Variants in NPHP3 observed in about 807,000 individuals in gnomAD.
The protein encoded by NPHP3 is nephrocystin 3.
Under a neutral mutation model 171.9 loss-of-function variants are expected in NPHP3, and 123 were observed. The ratio of observed to expected loss-of-function variants is 0.72; its 90% CI spans 0.62 to 0.83. The LOEUF is 0.83. Ranked by LOEUF, NPHP3 falls within the 40% of genes least tolerant of loss-of-function variation. The pLI is 0.00. For missense variants in NPHP3, 1,506 were observed against 1,591.9 expected (o/e 0.95, Z 0.92); for synonymous variants, 558 against 579.2 (o/e 0.96, Z 0.52).
Position 132,694,882 on chromosome 3 carries a change from A to C in NPHP3, c.2255T>G (p.Leu752Arg). The change falls in exon 16 of 27, where the codon CTG becomes CGG. Residue 752 changes from leucine (L) to arginine (R), a missense_variant. By Grantham distance (102) the Leu-to-Arg change is moderately radical (BLOSUM62 -2). Coordinates refer to ENST00000337331, the MANE Select transcript of NPHP3 (RefSeq NM_153240.5). ...QDTLSLYRLV[L>R]HSIRESMAND... is the part of the protein sequence containing the mutation. ...TGCCATGGACTCCCGGATAGAGTGCAGAACAAGTCTATATAATGAAAGAGT... is the reference window on the plus strand; with the variant it reads ...TGCCATGGACTCCCGGATAGAGTGCCGAACAAGTCTATATAATGAAAGAGT... 1 of 1,613,776 alleles carries C rather than the reference A, an allele frequency of 6.2e-7. No individual in the cohort carries two copies. Among genetic ancestry groups the C allele is most frequent in the Non-Finnish European group, 8.5e-7 (1 of 1,179,840 alleles).
intron 14 of NPHP3, 97 bp from the exon 15 acceptor site, chr3:132,696,910 G>A (rs1939468501): frequency 2.1e-6 from 2 of 934,744 alleles, no homozygotes; most frequent in African/African-American, 1.6e-5. Flanking sequence ...TACCCCGACA[G>A]AAATAACACT....
intron 18 of NPHP3, 117 bp downstream of exon 18, chr3:132,691,075 C>T: frequency 1.2e-6 from 1 of 842,066 alleles, no homozygotes; most frequent in Non-Finnish European, 2.1e-6. Context: ...AGGATTTAAT[C>T]TTTTTTGTAA....
intron 26 of NPHP3, 81 bp downstream of exon 26, chr3:132,682,622 T>G (rs1939059661): frequency 1.2e-6 from 1 of 854,774 alleles, no homozygotes; most frequent in African/African-American, 1.7e-5. Context: ...AAACATTCAG[T>G]AATACATATT....
At chr3:132,686,592 T>A (rs560793018) in intron 22 of NPHP3, among the ~76,000 whole-genome samples, 1 of 152,354 alleles carries the variant, frequency 6.6e-6, no homozygotes, top group South Asian at 2.1e-4. Flanking sequence ...CATTAAAAAC[T>A]ATTTCATGAA....
intron 3 of NPHP3, 117 bp downstream of exon 3, chr3:132,718,877 G>T: frequency 9.8e-7 from 1 of 1,021,122 alleles, no homozygotes. Context: ...TGCAACAGTA[G>T]TTAAAGCAAT....
At chr3:132,687,860 G>A (rs1939201699) in intron 21 of NPHP3, among the ~76,000 whole-genome samples, 1 of 152,228 alleles carries the variant, frequency 6.6e-6, no homozygotes, top group African/African-American at 2.4e-5. Context: ...GGGCTAGAGA[G>A]TTAATATTTT....
Position 132,701,760 on chromosome 3 carries a change from C to T in NPHP3, c.1525-227G>A, listed in dbSNP as rs531571619. ...TCAAATGGCTGGGCGCGGTGGCTCA[C>T]GCCTGTAATCCCAGCACTTTGGGAG... On this transcript the variant is annotated intron_variant, in intron 9 of 26. Transcript: ENST00000337331. Among the ~76,000 whole-genome samples the T allele has an allele frequency of 6.6e-5, 10 of 152,314 alleles. No homozygotes were observed. In the East Asian group the frequency reaches 1.2e-3, roughly 18 times the overall value.
chr3:132,690,596 C>T lies in NPHP3; in HGVS notation c.2625G>A (p.Gln875=), dbSNP rs1939274785. Residue 875 remains glutamine (Q), a synonymous_variant, in exon 19 of 27, where the codon CAG becomes CAA. Transcript: ENST00000337331. ...SADELPWLFQ[Q]QGSKQKLHDC... ...CATGCAGCTTCTGTTTACTTCCCTG[C>T]TGCTGAAAAAGCCACGGGAGTTCAT... 2 of 1,613,582 alleles carry T rather than the reference C, an allele frequency of 1.2e-6. No individual in the cohort carries two copies. Among genetic ancestry groups the T allele is most frequent in the East Asian group, 4.5e-5 (2 of 44,862 alleles).
intron 9 of NPHP3, among the ~76,000 whole-genome samples, chr3:132,702,359 A>G (rs4402938): frequency 0.014 from 2,195 of 152,286 alleles, 48 homozygotes; most frequent in African/African-American, 0.051. Flanking sequence ...TCTGCTCAAG[A>G]CAATCAGGTT....
rs370712498 is a variant in NPHP3 at position 132,708,098 on chromosome 3, T to C, written c.1275+3A>G. ...GTTTTTCAAAAATGCCTATGAATTT[T>C]ACCTTGGCTTTGCTGGTCTTGTTTA... is the stretch of plus-strand genomic sequence containing the variant. On this transcript the variant is annotated splice_donor_region_variant and intron_variant, in intron 7 of 26. Coordinates refer to ENST00000337331, the MANE Select transcript of NPHP3 (RefSeq NM_153240.5). 1.2e-6 allele frequency: 2 copies of C among 1,614,126 alleles called. No individual in the cohort carries two copies. Among genetic ancestry groups the C allele is most frequent in the Non-Finnish European group, 1.7e-6 (2 of 1,179,976 alleles).
chr3:132,682,887 A>T, intron 25 of NPHP3, 69 bp from the exon 26 acceptor site: 3 of 951,614 alleles, frequency 3.2e-6, no homozygotes, highest in Non-Finnish European at 5.2e-6. Context: ...AGACTAAGCT[A>T]ACCTACTTTG....
Position 132,701,537 on chromosome 3 carries a change from G to C in NPHP3, c.1525-4C>G. 1 of 1,577,706 alleles carries C rather than the reference G, an allele frequency of 6.3e-7. No homozygotes were observed. Among genetic ancestry groups the C allele is most frequent in the Non-Finnish European group, 8.7e-7 (1 of 1,150,508 alleles). ...GATCATTAAGGCGTTGGTAATACTA[G>C]AAAAAAAAATGAATTTACATTGTAA... On this transcript the variant is annotated splice_polypyrimidine_tract_variant and splice_region_variant and intron_variant, in intron 9 of 26. Transcript: ENST00000337331.
At chr3:132,713,670 T>C (rs1939972489) in intron 5 of NPHP3, among the ~76,000 whole-genome samples, 1 of 152,230 alleles carries the variant, frequency 6.6e-6, no homozygotes, top group East Asian at 1.9e-4. Flanking sequence ...GTAAAAAACA[T>C]CCACGATGAT....
Position 132,715,089 on chromosome 3 carries a change from A to G in NPHP3, c.953T>C (p.Leu318Pro). The change falls in exon 5 of 27, where the codon CTT becomes CCT. Residue 318 changes from leucine to proline, a missense_variant. Transcript: ENST00000337331. ...AGAATTTATAAATATCCTCACCTTAAGGAAAAGATCCATCTCAGGCTGGGT... is the reference window on the plus strand; with the variant it reads ...AGAATTTATAAATATCCTCACCTTAGGGAAAAGATCCATCTCAGGCTGGGT... ...DETQPEMDLF[L>P]KDYSPKLKRM... 1.2e-6 allele frequency: 2 copies of G among 1,610,624 alleles called. No individual in the cohort carries two copies. Among genetic ancestry groups the G allele is most frequent in the Non-Finnish European group, 1.7e-6 (2 of 1,177,010 alleles).
intron 9 of NPHP3, among the ~76,000 whole-genome samples, chr3:132,701,950 C>T (rs1243926748): frequency 1.3e-5 from 2 of 152,114 alleles, no homozygotes; most frequent in Non-Finnish European, 2.9e-5. Flanking sequence ...GGCGTGAACC[C>T]GGGAGGTGGA....
chr3:132,705,864 G>A, intron 7 of NPHP3, 50 bp from the exon 8 acceptor site: 2 of 983,762 alleles, frequency 2.0e-6, no homozygotes, highest in Non-Finnish European at 3.3e-6. Context: ...ATATCAGAAG[G>A]AAGTGGTGGT....
intron 3 of NPHP3, 89 bp from the exon 4 acceptor site, chr3:132,716,998 T>A (rs1360726726): frequency 6.1e-6 from 8 of 1,319,772 alleles, no homozygotes; most frequent in Admixed American, 3.8e-5. Context: ...TTGCTGATTT[T>A]AAAAAATATG....
intron 8 of NPHP3, 151 bp from the exon 9 acceptor site, chr3:132,704,522 AACT>A (rs1207502379): frequency 9.7e-6 from 6 of 616,486 alleles, no homozygotes; most frequent in Non-Finnish European, 1.7e-5. Context: ...ATAAACTGAT[AACT>A]ACAAAAAAAT....
intron 4 of NPHP3, 34 bp downstream of exon 4, chr3:132,716,723 A>G (rs753425239): frequency 1.2e-6 from 2 of 1,606,670 alleles, no homozygotes; most frequent in African/African-American, 2.7e-5. Flanking sequence ...AGTCACTACC[A>G]CTAGGCAAGT....
Sources: gnomAD v4.1 joint callset for allele counts (sites outside exome capture counted in the v4.1 genomes callset) on GRCh38, gnomAD v4.1.1 for gene constraint, MANE v1.5 for transcripts, NCBI Gene and HGNC (gene_info 2026-07-23, HGNC 2026-07-21) for gene names.